SLC7A14: variants seen among roughly 807,000 people sequenced by gnomAD.
SLC7A14 encodes the protein gamma-aminobutyric acid transporter SLC7A14.
SLC7A14 carries 37 observed loss-of-function variants against 60.2 expected under a neutral mutation model. The ratio of observed to expected loss-of-function variants is 0.61; its 90% CI spans 0.47 to 0.81. The LOEUF (loss-of-function observed/expected upper bound fraction) is 0.81, where lower values mean the gene tolerates loss of function less well. SLC7A14 is among the 30% of genes least tolerant of loss of function. SLC7A14 has a pLI of 0.00. For missense variants in SLC7A14, 886 were observed against 982.7 expected (o/e 0.90, Z 1.32); for synonymous variants, 399 against 395.8 (o/e 1.01, Z -0.10).
chr3:170,486,342 G>A lies in SLC7A14; in HGVS notation c.786C>T (p.Phe262=). The change falls in exon 5 of 8, where the codon TTC becomes TTT. Residue 262 remains phenylalanine (F), a synonymous_variant. Transcript: ENST00000231706. The part of the protein sequence containing the change: ...SGVLQGAATC[F]YAFIGFDIIA... The stretch of plus-strand genomic sequence containing the variant: ...TGATGTCAAAGCCAATGAAAGCGTA[G>A]AAGCATGTTGCTGCTCCTTGCAGCA... The A allele has an allele frequency of 6.2e-7, 1 of 1,614,246 alleles. No individual in the cohort carries two copies. The highest frequency in any genetic ancestry group is 8.5e-7 in the Non-Finnish European group (1 of 1,180,044).
chr3:170,549,167 G>C (rs546669437), intron 1 of SLC7A14, among the ~76,000 whole-genome samples: 1 of 151,220 alleles, frequency 6.6e-6, no homozygotes, highest in African/African-American at 2.4e-5. Context: ...AAAGTGACTA[G>C]TTCAATATAA....
chr3:170,536,916 A>G (rs905527105), intron 1 of SLC7A14, among the ~76,000 whole-genome samples: 1 of 152,176 alleles, frequency 6.6e-6, no homozygotes, highest in Non-Finnish European at 1.5e-5. Context: ...TGCCATGTGT[A>G]ATCTGAGCCC....
chr3:170,570,533 C>T (rs1289063943), intron 1 of SLC7A14: 1 of 151,882 alleles, frequency 6.6e-6, no homozygotes, highest in East Asian at 1.9e-4. Context: ...GGCTTCTAGG[C>T]TTGGTGCGGT....
intron 7 of SLC7A14, among the ~76,000 whole-genome samples, chr3:170,469,026 A>G (rs190696543): frequency 6.6e-6 from 1 of 152,302 alleles, no homozygotes; most frequent in East Asian, 1.9e-4. Context: ...TCCCTGAGAT[A>G]ATGAACTGTG....
intron 6 of SLC7A14, among the ~76,000 whole-genome samples, chr3:170,481,749 A>T (rs1363135799): frequency 6.6e-6 from 1 of 152,158 alleles, no homozygotes; most frequent in Non-Finnish European, 1.5e-5. Flanking sequence ...CCTAATCATT[A>T]TGTAATGGGA....
At chr3:170,571,321 A>T (rs1208908126) in intron 1 of SLC7A14, among the ~76,000 whole-genome samples, 1 of 152,246 alleles carries the variant, frequency 6.6e-6, no homozygotes, top group Non-Finnish European at 1.5e-5. Context: ...AAGTCTAGAG[A>T]TGTAGTGTGT....
At chr3:170,533,041 G>C (rs1311447067) in intron 1 of SLC7A14, among the ~76,000 whole-genome samples, 1 of 152,112 alleles carries the variant, frequency 6.6e-6, no homozygotes, top group African/African-American at 2.4e-5. Context: ...GACCATGGTA[G>C]GTTCACCTTC....
intron 1 of SLC7A14, among the ~76,000 whole-genome samples, chr3:170,577,689 T>C (rs147373786): frequency 1.6e-3 from 241 of 149,256 alleles, no homozygotes; most frequent in African/African-American, 5.8e-3. Flanking sequence ...TATTCCGTAA[T>C]TGGCCTTGGT....
In SLC7A14 at chr3:170,465,401, A is replaced by G. The variant is rs1205746012; in HGVS notation, c.*1654T>C. 1.3e-5 allele frequency: 2 copies of G among 152,228 alleles called. No individual in the cohort carries two copies. Among genetic ancestry groups the G allele is most frequent in the Non-Finnish European group, 2.9e-5 (2 of 68,042 alleles). 9.4% of individuals were successfully genotyped at this position (152,228 alleles called of 1,614,324 possible). A position where few individuals can be genotyped will look rare whatever the true frequency, so the allele number is the denominator to read the frequency against. On this transcript the variant is annotated 3_prime_UTR_variant, in exon 8 of 8. Coordinates refer to ENST00000231706, the MANE Select transcript of SLC7A14 (RefSeq NM_020949.3). Reference sequence around the variant, plus strand: ...CCCCAAGGGCAAGTGCCATGCTTCTATTCATTCCTGTCACTTAGCATTGGG... The same window carrying G: ...CCCCAAGGGCAAGTGCCATGCTTCTGTTCATTCCTGTCACTTAGCATTGGG...
At chr3:170,558,519 A>C (rs1409994094) in intron 1 of SLC7A14, among the ~76,000 whole-genome samples, 5 of 152,138 alleles carry the variant, frequency 3.3e-5, no homozygotes, top group African/African-American at 4.8e-5. Context: ...TAACTACTTA[A>C]ACTCCCTTTC....
At chr3:170,478,082 TAA>T (rs1553864941) in intron 7 of SLC7A14, among the ~76,000 whole-genome samples, 1 of 152,158 alleles carries the variant, frequency 6.6e-6, no homozygotes, top group Non-Finnish European at 1.5e-5. Flanking sequence ...TTAATTTTTT[TAA>T]AAAAATTTTT....
At chr3:170,573,384 A>T (rs1715003024) in intron 1 of SLC7A14, among the ~76,000 whole-genome samples, 1 of 152,226 alleles carries the variant, frequency 6.6e-6, no homozygotes, top group African/African-American at 2.4e-5. Flanking sequence ...TGTACAGTTC[A>T]TCCACAATTA....
intron 7 of SLC7A14, among the ~76,000 whole-genome samples, chr3:170,479,108 C>T (rs1395119571): frequency 1.3e-5 from 2 of 151,926 alleles, no homozygotes; most frequent in Non-Finnish European, 2.9e-5. Flanking sequence ...GGCGACACAG[C>T]AAGACTCCAT....
intron 7 of SLC7A14, among the ~76,000 whole-genome samples, chr3:170,474,370 C>T (rs541294103): frequency 1.3e-5 from 2 of 152,286 alleles, no homozygotes; most frequent in Admixed American, 6.5e-5. Flanking sequence ...GTGAGTGCTC[C>T]GCCCGCTCTG....
chr3:170,531,365 A>C (rs1713675904), intron 1 of SLC7A14, among the ~76,000 whole-genome samples: 2 of 152,028 alleles, frequency 1.3e-5, no homozygotes, highest in African/African-American at 4.8e-5. Flanking sequence ...CCTTCATCAG[A>C]AACTGTCACA....
At chr3:170,528,636 T>C (rs1373680101) in intron 1 of SLC7A14, among the ~76,000 whole-genome samples, 1 of 152,202 alleles carries the variant, frequency 6.6e-6, no homozygotes, top group Admixed American at 6.5e-5. Context: ...CTGGTTTAAT[T>C]TTTTCCTAGC....
At chr3:170,543,392 G>A (rs1714079499) in intron 1 of SLC7A14, among the ~76,000 whole-genome samples, 1 of 152,148 alleles carries the variant, frequency 6.6e-6, no homozygotes, top group African/African-American at 2.4e-5. Context: ...GCTTACTCCT[G>A]TAATCCCAGC....
intron 1 of SLC7A14, among the ~76,000 whole-genome samples, chr3:170,553,289 C>G (rs535967277): frequency 6.6e-6 from 1 of 152,152 alleles, no homozygotes; most frequent in Non-Finnish European, 1.5e-5. Flanking sequence ...GCCATATGTT[C>G]TTACACCTTA....
intron 2 of SLC7A14, among the ~76,000 whole-genome samples, chr3:170,514,893 C>G (rs1278241476): frequency 6.6e-6 from 1 of 152,154 alleles, no homozygotes; most frequent in East Asian, 1.9e-4. Context: ...CATACAAAAA[C>G]TTAATCTTCA....
Sources: allele counts gnomAD v4.1 joint callset (sites outside exome capture counted in the v4.1 genomes callset), GRCh38; gene constraint gnomAD v4.1.1; transcripts MANE v1.5; gene names NCBI Gene and HGNC (gene_info 2026-07-23, HGNC 2026-07-21).